TYW1: variants seen among roughly 807,000 people sequenced by gnomAD.
The protein encoded by TYW1 is tRNA-yW synthesizing protein 1 homolog.
Under a neutral mutation model 96.2 loss-of-function variants are expected in TYW1, and 46 were observed. That is an observed-to-expected ratio of 0.48 (90% CI 0.38 to 0.61). The LOEUF (loss-of-function observed/expected upper bound fraction) is 0.61, where lower values mean the gene tolerates loss of function less well. Among genes scored for constraint, TYW1 ranks in the 20% least tolerant of loss-of-function variants. The pLI, the probability that TYW1 is intolerant of heterozygous loss-of-function variation, is 0.00. For synonymous variants in TYW1, 274 were observed against 323.0 expected (o/e 0.85, Z 1.63); for missense variants, 684 against 909.6 (o/e 0.75, Z 3.19).
intron 3 of TYW1, among the ~76,000 whole-genome samples, chr7:67,001,742 C>T (rs1290747935): frequency 6.6e-6 from 1 of 150,428 alleles, no homozygotes; most frequent in African/African-American, 2.4e-5. Flanking sequence ...TTTTAAGAGA[C>T]AAGGTCTTGG....
intron 5 of TYW1, among the ~76,000 whole-genome samples, chr7:67,017,569 AT>A (rs963797471): frequency 1.2e-4 from 18 of 148,504 alleles, no homozygotes; most frequent in Non-Finnish European, 1.3e-4. Context: ...TAGGTTTCAA[AT>A]TTTTTTTTTT....
intron 12 of TYW1, among the ~76,000 whole-genome samples, chr7:67,099,772 G>A (rs1797031024): frequency 1.3e-5 from 2 of 152,184 alleles, no homozygotes; most frequent in African/African-American, 4.8e-5. Flanking sequence ...GGAGACTGAG[G>A]CCGGTGGATC....
At chr7:67,164,569 CT>C (rs1484437737) in intron 13 of TYW1, among the ~76,000 whole-genome samples, 5 of 149,764 alleles carry the variant, frequency 3.3e-5, no homozygotes, top group Non-Finnish European at 7.4e-5. Context: ...TATGATGGCA[CT>C]ATTGCATTCC....
At chr7:67,234,217 T>C in intron 15 of TYW1, among the ~76,000 whole-genome samples, 1 of 127,884 alleles carries the variant, frequency 7.8e-6, no homozygotes, top group East Asian at 2.0e-4. Flanking sequence ...CATGGTGACA[T>C]GTACCTGTAA....
intron 13 of TYW1, among the ~76,000 whole-genome samples, chr7:67,146,334 AG>A (rs1798610094): frequency 6.6e-6 from 1 of 152,208 alleles, no homozygotes; most frequent in African/African-American, 2.4e-5. Context: ...AATGTTAAAA[AG>A]ATCTGAACTG....
chr7:67,099,667 T>C (rs1451129335), intron 12 of TYW1, among the ~76,000 whole-genome samples: 1 of 152,140 alleles, frequency 6.6e-6, no homozygotes, highest in Non-Finnish European at 1.5e-5. Context: ...GTCAGAGTTA[T>C]AAGGGTGGAA....
intron 12 of TYW1, among the ~76,000 whole-genome samples, chr7:67,109,795 G>A (rs1179118290): frequency 5.3e-5 from 8 of 152,168 alleles, no homozygotes; most frequent in African/African-American, 7.2e-5. Flanking sequence ...CAAGAGAATC[G>A]CTTGAACCCA....
At chr7:67,085,298 G>A (rs1227878700) in intron 11 of TYW1, among the ~76,000 whole-genome samples, 3 of 152,178 alleles carry the variant, frequency 2.0e-5, no homozygotes, top group African/African-American at 7.2e-5. Flanking sequence ...CGTTGAGAGA[G>A]ACCAGGTGGA....
intron 11 of TYW1, among the ~76,000 whole-genome samples, chr7:67,089,060 C>T (rs11773434): frequency 0.066 from 10,112 of 152,220 alleles, 437 homozygotes; most frequent in South Asian, 0.12. Flanking sequence ...CCACTCTTAG[C>T]TCATTAATTA....
chr7:66,998,713 A>C, intron 2 of TYW1, 104 bp from the exon 3 acceptor site: 1 of 1,316,416 alleles, frequency 7.6e-7, no homozygotes, highest in South Asian at 1.4e-5. Flanking sequence ...GTGTCAGATT[A>C]AGAGAAAAAT....
At chr7:67,184,963 C>A (rs1307513481) in intron 14 of TYW1, among the ~76,000 whole-genome samples, 6 of 151,952 alleles carry the variant, frequency 3.9e-5, no homozygotes, top group Admixed American at 2.6e-4. Flanking sequence ...CCACCTCAGC[C>A]TCCCAAAGTG....
chr7:67,069,402 T>A (rs1334761950), intron 10 of TYW1, among the ~76,000 whole-genome samples: 1 of 152,214 alleles, frequency 6.6e-6, no homozygotes, highest in African/African-American at 2.4e-5. Flanking sequence ...GTTTTATACA[T>A]TTGTCTTTTA....
chr7:67,139,767 GTGTGTA>G (rs1285787762), intron 13 of TYW1, among the ~76,000 whole-genome samples: 1 of 151,082 alleles, frequency 6.6e-6, no homozygotes, highest in South Asian at 2.1e-4. Context: ...GTGTGTGTGT[GTGTGTA>G]TGCCCAAATA....
intron 15 of TYW1, among the ~76,000 whole-genome samples, chr7:67,229,011 TA>T (rs1204777851): frequency 2.0e-5 from 3 of 152,250 alleles, no homozygotes; most frequent in Non-Finnish European, 4.4e-5. Flanking sequence ...GTGCCAGTTT[TA>T]TTTTTTTGGT....
chr7:67,217,029 T>C (rs747937356), intron 15 of TYW1, among the ~76,000 whole-genome samples: 1 of 143,344 alleles, frequency 7.0e-6, no homozygotes, highest in Non-Finnish European at 1.5e-5. Flanking sequence ...TTTTGACTTA[T>C]ATTTGCCTAA....
intron 15 of TYW1, among the ~76,000 whole-genome samples, chr7:67,227,410 C>G (rs188857466): frequency 1.8e-3 from 272 of 152,312 alleles, no homozygotes; most frequent in African/African-American, 6.3e-3. Flanking sequence ...GCATGCACCA[C>G]CACACCCGGC....
intron 13 of TYW1, among the ~76,000 whole-genome samples, chr7:67,141,961 G>A (rs1482545330): frequency 6.6e-6 from 1 of 152,194 alleles, no homozygotes; most frequent in Admixed American, 6.5e-5. Flanking sequence ...CTTGAACCCG[G>A]GAGGTGGAGG....
At chr7:67,188,652 A>G (rs1157756692) in intron 14 of TYW1, among the ~76,000 whole-genome samples, 2 of 152,314 alleles carry the variant, frequency 1.3e-5, no homozygotes, top group East Asian at 3.9e-4. Context: ...CGGACACAGT[A>G]ACACTTGGAA....
intron 12 of TYW1, among the ~76,000 whole-genome samples, chr7:67,116,899 G>T (rs1176166505): frequency 6.6e-6 from 1 of 152,150 alleles, no homozygotes; most frequent in Non-Finnish European, 1.5e-5. Context: ...ACTGTTTTAG[G>T]TCTGCACTAC....
Sources: gnomAD v4.1 joint callset for allele counts (sites outside exome capture counted in the v4.1 genomes callset) on GRCh38, gnomAD v4.1.1 for gene constraint, MANE v1.5 for transcripts, NCBI Gene and HGNC (gene_info 2026-07-23, HGNC 2026-07-21) for gene names.